The following ZC3H12B variants were observed in gnomAD, a reference collection of about 807,000 sequenced individuals.
The protein encoded by ZC3H12B is zinc finger CCCH-type containing 12B, also known as probable ribonuclease ZC3H12B.
In ZC3H12B, 7 loss-of-function variants were observed where a neutral mutation model predicts 43.9. That is an observed-to-expected ratio of 0.16 (90% CI 0.09 to 0.30). The LOEUF is 0.30. ZC3H12B is among the 10% of genes least tolerant of loss of function. ZC3H12B has a pLI of 1.00. For synonymous variants in ZC3H12B, 222 were observed against 241.7 expected (o/e 0.92, Z 0.76); for missense variants, 475 against 670.2 (o/e 0.71, Z 3.22).
chrX:65,161,280 G>A, the ZC3H12B span, among the ~76,000 whole-genome samples: 23 of 111,282 alleles, frequency 2.1e-4, no homozygotes, highest in Non-Finnish European at 3.0e-4. Flanking sequence ...TATTAGGTCC[G>A]CTTGGTGCAG....
At chrX:65,158,551 T>A in the ZC3H12B span, among the ~76,000 whole-genome samples, 1 of 112,421 alleles carries the variant, frequency 8.9e-6, no homozygotes, top group Non-Finnish European at 1.9e-5. Context: ...CATGTGTTTA[T>A]TGGCTGCATA....
chrX:65,137,117 A>T, the ZC3H12B span, among the ~76,000 whole-genome samples: 1 of 112,373 alleles, frequency 8.9e-6, no homozygotes, highest in Admixed American at 9.5e-5. Flanking sequence ...GCAAACCTTT[A>T]TTTAATTATA....
the ZC3H12B span, among the ~76,000 whole-genome samples, chrX:65,173,377 T>C: frequency 9.0e-6 from 1 of 111,704 alleles, no homozygotes; most frequent in African/African-American, 3.3e-5. Flanking sequence ...ACAAAGACAG[T>C]TTGTCTTTCT....
At chrX:65,325,848 G>C in the ZC3H12B span, among the ~76,000 whole-genome samples, 4 of 111,366 alleles carry the variant, frequency 3.6e-5, no homozygotes, top group Non-Finnish European at 7.6e-5. Context: ...AAAAATAGAT[G>C]CATCAAAAAA....
chrX:65,418,750 G>C lies in ZC3H12B; in HGVS notation n.407+20046G>C, dbSNP rs192009469. Among the ~76,000 whole-genome samples, 11 of 111,780 alleles carry C rather than the reference G, an allele frequency of 9.8e-5. 1 individual carries two copies. In the East Asian group the frequency reaches 3.1e-3, roughly 31 times the overall value. On this transcript the variant is annotated intron_variant and non_coding_transcript_variant, in intron 3 of 5. Coordinates refer to the ZC3H12B transcript ENST00000617377. Reference sequence around the variant, plus strand: ...TTCACCTGAATAGTGAAAACTAAGCGACATGGCCCCTAAGTCCATTTCAAG... The same window carrying C: ...TTCACCTGAATAGTGAAAACTAAGCCACATGGCCCCTAAGTCCATTTCAAG...
chrX:65,209,738 G>C, the ZC3H12B span, among the ~76,000 whole-genome samples: 4 of 107,631 alleles, frequency 3.7e-5, no homozygotes, highest in South Asian at 4.2e-4. Context: ...CAATGGAACA[G>C]AACAGAGCCC....
At chrX:65,288,311 C>A in the ZC3H12B span, among the ~76,000 whole-genome samples, 1 of 110,636 alleles carries the variant, frequency 9.0e-6, no homozygotes. Flanking sequence ...TCAATAAGGC[C>A]AGCAATTACC....
chrX:65,378,503 AG>A (rs2066381890), intron 2 of ZC3H12B, among the ~76,000 whole-genome samples: 1 of 112,181 alleles, frequency 8.9e-6, no homozygotes, highest in African/African-American at 3.2e-5. Context: ...GCATACCACC[AG>A]ACAAAATTAC....
At chrX:65,488,948 A>T in exon 1 of ZC3H12B, 1 of 1,210,731 alleles carries the variant, frequency 8.3e-7, no homozygotes, top group Non-Finnish European at 1.1e-6. Context: ...CTGAACAGAT[A>T]AGCCTTAAGA....
At chrX:65,448,937 A>AAAAGAAAGAAAGAAAAAGAAAG (rs1556209101) in intron 3 of ZC3H12B, among the ~76,000 whole-genome samples, 3 of 26,805 alleles carry the variant, frequency 1.1e-4, no homozygotes, top group Non-Finnish European at 1.9e-4. Flanking sequence ...AAAGAGAAGG[A>AAAAGAAAGAAAGAAAAAGAAAG]AAAGAAAGAA....
At chrX:65,256,676 A>G in the ZC3H12B span, among the ~76,000 whole-genome samples, 1 of 111,811 alleles carries the variant, frequency 8.9e-6, no homozygotes, top group Non-Finnish European at 1.9e-5. Context: ...GAAGACAAAA[A>G]ATAACTAACA....
chrX:65,185,551 CA>C, the ZC3H12B span: 1 of 111,357 alleles, frequency 9.0e-6, no homozygotes, highest in Non-Finnish European at 1.9e-5. Flanking sequence ...TGAGCTATGG[CA>C]AAACTCTTGT....
chrX:65,351,218 G>A, the ZC3H12B span, among the ~76,000 whole-genome samples: 1 of 111,745 alleles, frequency 8.9e-6, no homozygotes, highest in Non-Finnish European at 1.9e-5. Flanking sequence ...ACAAGCAATA[G>A]GGAAATCTTT....
the ZC3H12B span, among the ~76,000 whole-genome samples, chrX:65,263,836 A>G: frequency 9.0e-6 from 1 of 111,367 alleles, no homozygotes; most frequent in Non-Finnish European, 1.9e-5. Context: ...AAATAAATCA[A>G]TATATCAAAA....
chrX:65,503,064 C>G (rs2068390934), exon 5 of ZC3H12B: 6 of 1,209,206 alleles, frequency 5.0e-6, no homozygotes, highest in Non-Finnish European at 6.7e-6. Context: ...CATATGATCC[C>G]AGAACACCAG....
intron 1 of ZC3H12B, among the ~76,000 whole-genome samples, chrX:65,491,068 C>T (rs1192584240): frequency 8.9e-6 from 1 of 111,940 alleles, no homozygotes; most frequent in Non-Finnish European, 1.9e-5. Context: ...AAAAATAAGG[C>T]TCAGCAAAGG....
chrX:65,073,226 G>A, the ZC3H12B span, among the ~76,000 whole-genome samples: 127 of 112,910 alleles, frequency 1.1e-3, 1 homozygote, highest in African/African-American at 4.1e-3. Flanking sequence ...ATACGCTGGT[G>A]GGACAGAGAA....
At chrX:65,154,965 AG>A in the ZC3H12B span, among the ~76,000 whole-genome samples, 1 of 108,958 alleles carries the variant, frequency 9.2e-6, no homozygotes, top group Non-Finnish European at 1.9e-5. Flanking sequence ...TAGTTTGCTA[AG>A]GTTTTTTTTT....
chrX:65,448,332 G>A (rs2067408486), intron 3 of ZC3H12B, among the ~76,000 whole-genome samples: 1 of 111,937 alleles, frequency 8.9e-6, no homozygotes, highest in Non-Finnish European at 1.9e-5. Context: ...AAAATGCTAT[G>A]GAAATGTCTT....
Sources: gnomAD v4.1 joint callset for allele counts (sites outside exome capture counted in the v4.1 genomes callset) on GRCh38, gnomAD v4.1.1 for gene constraint, MANE v1.5 for transcripts, NCBI Gene and HGNC (gene_info 2026-07-23, HGNC 2026-07-21) for gene names.